The following NRG1 variants were observed in gnomAD, a reference collection of about 807,000 sequenced individuals.
NRG1 encodes pro-neuregulin-1, membrane-bound isoform.
Under a neutral mutation model 63.8 loss-of-function variants are expected in NRG1, and 18 were observed. The ratio of observed to expected loss-of-function variants is 0.28; its 90% confidence interval spans 0.19 to 0.42. NRG1 has a LOEUF of 0.42. Among genes scored for constraint, NRG1 ranks in the 10% least tolerant of loss-of-function variants. The pLI is 1.00. For synonymous variants in NRG1, 302 were observed against 301.3 expected, an observed-to-expected ratio of 1.00 and a Z score of -0.02; for missense variants, 762 against 814.7, an observed-to-expected ratio of 0.94 and a Z score of 0.79.
chr8:31,938,391 C>A (rs2129620730), intron 1 of NRG1, among the ~76,000 whole-genome samples: 1 of 152,176 alleles, frequency 6.6e-6, no homozygotes, highest in African/African-American at 2.4e-5. Flanking sequence ...CCTCATGGGA[C>A]AAAAGAATCT....
intron 1 of NRG1, among the ~76,000 whole-genome samples, chr8:32,368,182 A>C (rs1808337882): frequency 6.6e-6 from 1 of 152,184 alleles, no homozygotes. Flanking sequence ...AAAAGTGCAA[A>C]AGTTTATATT....
intron 1 of NRG1, among the ~76,000 whole-genome samples, chr8:32,012,172 G>A (rs913353199): frequency 1.3e-5 from 2 of 152,038 alleles, no homozygotes; most frequent in African/African-American, 4.8e-5. Flanking sequence ...TGCATTTGAG[G>A]TTCTATAAAT....
At chr8:31,751,196 A>G (rs573063072) in intron 1 of NRG1, among the ~76,000 whole-genome samples, 1 of 152,146 alleles carries the variant, frequency 6.6e-6, no homozygotes, top group South Asian at 2.1e-4. Context: ...CAACAGTTTA[A>G]TACTCTTTGC....
chr8:32,179,286 GC>G (rs928595937), intron 1 of NRG1, among the ~76,000 whole-genome samples: 13 of 151,232 alleles, frequency 8.6e-5, no homozygotes, highest in Admixed American at 6.6e-5. Context: ...TGCTCCTGAT[GC>G]GGAAGTGGCA....
intron 1 of NRG1, among the ~76,000 whole-genome samples, chr8:31,840,519 G>T (rs1826099240): frequency 6.6e-6 from 1 of 152,090 alleles, no homozygotes; most frequent in East Asian, 1.9e-4. Flanking sequence ...AGAATAAGTA[G>T]GCTACCTTGT....
chr8:32,320,922 G>T (rs1297918139), intron 1 of NRG1, among the ~76,000 whole-genome samples: 1 of 152,088 alleles, frequency 6.6e-6, no homozygotes, highest in Non-Finnish European at 1.5e-5. Flanking sequence ...GTGATATATT[G>T]CTACAGCAAT....
At chr8:32,350,285 C>CCT (rs1266417543) in intron 1 of NRG1, among the ~76,000 whole-genome samples, 1 of 152,168 alleles carries the variant, frequency 6.6e-6, no homozygotes, top group East Asian at 1.9e-4. Context: ...AAACATTCCC[C>CCT]CTCTCTCTTC....
chr8:31,943,531 G>T (rs1473604970), intron 1 of NRG1, among the ~76,000 whole-genome samples: 2 of 148,666 alleles, frequency 1.3e-5, no homozygotes, highest in Non-Finnish European at 3.0e-5. Flanking sequence ...AAAACCTATT[G>T]AAATAAATAA....
At chr8:32,343,378 T>C (rs1804323810) in intron 1 of NRG1, among the ~76,000 whole-genome samples, 1 of 152,240 alleles carries the variant, frequency 6.6e-6, no homozygotes, top group East Asian at 1.9e-4. Context: ...GATTAGTTGA[T>C]ATTTTTACAC....
chr8:32,035,404 A>T, intron 1 of NRG1, among the ~76,000 whole-genome samples: 1 of 152,046 alleles, frequency 6.6e-6, no homozygotes, highest in Non-Finnish European at 1.5e-5. Flanking sequence ...CACCGAGAAG[A>T]ATGTATATTC....
intron 3 of NRG1, among the ~76,000 whole-genome samples, chr8:32,613,077 G>T (rs1044013682): frequency 1.3e-5 from 2 of 151,800 alleles, no homozygotes; most frequent in African/African-American, 4.8e-5. Context: ...CCTCTTTCTC[G>T]CCTGATGCTT....
chr8:32,679,853 C>CACTT (rs1205122663), intron 5 of NRG1, among the ~76,000 whole-genome samples: 2 of 152,158 alleles, frequency 1.3e-5, no homozygotes, highest in Non-Finnish European at 2.9e-5. Context: ...ATTGCTAATG[C>CACTT]ACTTACAAAT....
At chr8:32,737,675 CTTTT>C (rs561750288) in intron 6 of NRG1, among the ~76,000 whole-genome samples, 2 of 127,894 alleles carry the variant, frequency 1.6e-5, no homozygotes, top group Non-Finnish European at 3.3e-5. Flanking sequence ...GACAATCTTC[CTTTT>C]TTTTTTTTTT....
intron 1 of NRG1, among the ~76,000 whole-genome samples, chr8:31,722,583 C>T (rs1160272440): frequency 6.6e-6 from 1 of 152,106 alleles, no homozygotes; most frequent in African/African-American, 2.4e-5. Flanking sequence ...GCCTTGCTCT[C>T]TTTGAATTAT....
At chr8:32,407,801 G>A (rs1336097495) in intron 1 of NRG1, among the ~76,000 whole-genome samples, 1 of 152,138 alleles carries the variant, frequency 6.6e-6, no homozygotes, top group Non-Finnish European at 1.5e-5. Flanking sequence ...GGAATTAGAA[G>A]CACTATGATT....
chr8:32,182,120 G>T (rs927847870), intron 1 of NRG1, among the ~76,000 whole-genome samples: 24 of 152,158 alleles, frequency 1.6e-4, no homozygotes, highest in African/African-American at 4.6e-4. Context: ...CAGCCATTAT[G>T]AAAAAGAGGA....
intron 1 of NRG1, among the ~76,000 whole-genome samples, chr8:32,385,178 C>T (rs1226027160): frequency 6.6e-6 from 1 of 152,034 alleles, no homozygotes; most frequent in Non-Finnish European, 1.5e-5. Context: ...CGTCACCATG[C>T]CCGGCTAATT....
chr8:32,452,614 C>A (rs1283103308), intron 1 of NRG1, among the ~76,000 whole-genome samples: 1 of 152,120 alleles, frequency 6.6e-6, no homozygotes, highest in East Asian at 1.9e-4. Context: ...TACTAAGAAG[C>A]TTTGAGTTCA....
chr8:32,495,064 C>A (rs1183702419), intron 1 of NRG1, among the ~76,000 whole-genome samples: 1 of 152,144 alleles, frequency 6.6e-6, no homozygotes, highest in Non-Finnish European at 1.5e-5. Flanking sequence ...CCCTTTGATT[C>A]TTTGCTTCTA....
Sources: gnomAD v4.1 joint callset for allele counts (sites outside exome capture counted in the v4.1 genomes callset) on GRCh38, gnomAD v4.1.1 for gene constraint, MANE v1.5 for transcripts, NCBI Gene and HGNC (gene_info 2026-07-23, HGNC 2026-07-21) for gene names.